The following DOCK3 variants were observed in gnomAD, a reference collection of about 807,000 sequenced individuals.
DOCK3 encodes the protein dedicator of cytokinesis protein 3.
DOCK3 carries 60 observed loss-of-function variants against 265.6 expected under a neutral mutation model. The observed-to-expected ratio is 0.23, with a 90% CI of 0.18 to 0.28. The LOEUF is 0.28. Ranked by LOEUF, DOCK3 falls within the 10% of genes least tolerant of loss-of-function variation. DOCK3 has a pLI of 1.00. For missense variants in DOCK3, 1,981 were observed against 2,594.3 expected (o/e 0.76, Z 5.14); for synonymous variants, 881 against 938.0 (o/e 0.94, Z 1.11).
chr3:51,268,197 A>G (rs373743897), intron 23 of DOCK3, among the ~76,000 whole-genome samples: 3 of 152,150 alleles, frequency 2.0e-5, no homozygotes, highest in Admixed American at 6.6e-5. Flanking sequence ...AAATATCAGT[A>G]TGGGAAGAAA....
intron 2 of DOCK3, among the ~76,000 whole-genome samples, chr3:50,817,489 G>A (rs970251268): frequency 6.6e-6 from 1 of 151,522 alleles, no homozygotes. Flanking sequence ...AGAGACAGAG[G>A]TCCCCCTGTG....
chr3:51,330,251 A>G (rs376891819), intron 33 of DOCK3, 28 bp downstream of exon 33: 34 of 1,560,260 alleles, frequency 2.2e-5, no homozygotes, highest in Non-Finnish European at 3.0e-5. Context: ...CAGGCACACC[A>G]CACTGGGGGA....
chr3:50,719,622 G>A (rs773987745), intron 1 of DOCK3: 2 of 1,553,090 alleles, frequency 1.3e-6, no homozygotes, highest in African/African-American at 1.4e-5. Context: ...AACCACTGAG[G>A]TCTTGGCAGT....
chr3:51,280,187 A>T lies in DOCK3; in HGVS notation c.2905A>T (p.Ser969Cys). Residue 969 changes from serine to cysteine, a missense_variant, in exon 27 of 53, where the codon AGC (serine) becomes TGC (cysteine). Ser to Cys is a moderately radical substitution (Grantham distance 112). Around this residue, in one of 4 missense-constraint regions of DOCK3, gnomAD observed 1,357 missense variants for 1,866.8 expected, o/e 0.73. Transcript: ENST00000266037. The stretch of plus-strand genomic sequence containing the variant: ...CCAGCACCTCCTGGACAACTTCCAG[A>T]GCAAAGATGAACTCAAGGTAGGCAG... ...HFQHLLDNFQSKDELKEFLLK... is the reference protein window; with the variant it reads ...HFQHLLDNFQCKDELKEFLLK... The T allele has an allele frequency of 1.9e-6, 3 of 1,613,700 alleles. No homozygotes were observed. Among genetic ancestry groups the T allele is most frequent in the Non-Finnish European group, 2.5e-6 (3 of 1,179,786 alleles).
chr3:51,222,922 AC>A (rs1468197576), intron 14 of DOCK3, among the ~76,000 whole-genome samples: 1 of 152,134 alleles, frequency 6.6e-6, no homozygotes, highest in Non-Finnish European at 1.5e-5. Context: ...AATCTCTAAG[AC>A]ACTAATTTTA....
intron 49 of DOCK3, among the ~76,000 whole-genome samples, chr3:51,366,716 A>G (rs943469471): frequency 1.2e-4 from 18 of 152,206 alleles, no homozygotes; most frequent in Non-Finnish European, 7.3e-5. Flanking sequence ...TTCAAAGAAT[A>G]TCTTTATTTC....
At chr3:50,707,919 C>T (rs886886544) in intron 1 of DOCK3, among the ~76,000 whole-genome samples, 1 of 151,648 alleles carries the variant, frequency 6.6e-6, no homozygotes, top group East Asian at 1.9e-4. Context: ...GGTGGTGGTG[C>T]AGTCTTGGCA....
At chr3:51,186,640 C>A (rs1383679253) in intron 12 of DOCK3, among the ~76,000 whole-genome samples, 1 of 152,170 alleles carries the variant, frequency 6.6e-6, no homozygotes, top group African/African-American at 2.4e-5. Flanking sequence ...AAAGTGGTTT[C>A]GTGGGCCAGG....
At chr3:51,094,409 C>A (rs531300961) in intron 9 of DOCK3, among the ~76,000 whole-genome samples, 51 of 71,514 alleles carry the variant, frequency 7.1e-4, no homozygotes, top group African/African-American at 3.3e-3. Context: ...AGGTGTGTGT[C>A]CAGGAATTTA....
chr3:51,380,017 T>G, intron 51 of DOCK3, 108 bp from the exon 52 acceptor site: 2 of 999,448 alleles, frequency 2.0e-6, no homozygotes, highest in Non-Finnish European at 1.5e-6. Context: ...TGCTGAGGGG[T>G]CCCCAGGGGA....
In DOCK3 at chr3:51,382,445, CTG is replaced by C. The variant is rs2088710710; in HGVS notation, c.*887_*888del. ...GTCCCCTTCCTATGTGGTAGAGAGACTGGTGTAAGAGTGTGGGGTGTGGCAGG... is the reference window on the plus strand; with the variant it reads ...GTCCCCTTCCTATGTGGTAGAGAGACGTGTAAGAGTGTGGGGTGTGGCAGG... On this transcript the variant is annotated 3_prime_UTR_variant, in exon 53 of 53. Transcript: ENST00000266037. The C allele has an allele frequency of 6.6e-6, 1 of 152,644 alleles. No individual in the cohort carries two copies. Among genetic ancestry groups the C allele is most frequent in the Non-Finnish European group, 1.5e-5 (1 of 68,084 alleles). The allele number at this position is 152,644 out of a possible 1,614,324, so 9.5% of individuals were successfully genotyped here.
intron 1 of DOCK3, among the ~76,000 whole-genome samples, chr3:50,709,756 G>A (rs997771719): frequency 6.6e-6 from 1 of 152,170 alleles, no homozygotes; most frequent in Admixed American, 6.5e-5. Context: ...AACCCGCGAG[G>A]TGGAGGTTTC....
intron 13 of DOCK3, among the ~76,000 whole-genome samples, chr3:51,213,387 G>A (rs1448993639): frequency 1.3e-5 from 2 of 152,134 alleles, no homozygotes; most frequent in Admixed American, 6.5e-5. Context: ...GGACCCTCAG[G>A]AGGGTGGTGT....
chr3:50,724,981 G>T (rs1385366646), intron 1 of DOCK3, among the ~76,000 whole-genome samples: 1 of 102,740 alleles, frequency 9.7e-6, no homozygotes, highest in Non-Finnish European at 1.9e-5. Context: ...CAGCAGATGA[G>T]ATTCTGTCTC....
intron 22 of DOCK3, among the ~76,000 whole-genome samples, chr3:51,249,229 G>A (rs1464311997): frequency 1.6e-5 from 2 of 125,958 alleles, no homozygotes; most frequent in Non-Finnish European, 3.4e-5. Context: ...CCGGCCAGCC[G>A]CCCTGTCCGG....
chr3:50,978,482 T>C (rs2077558937), intron 5 of DOCK3, among the ~76,000 whole-genome samples: 1 of 152,296 alleles, frequency 6.6e-6, no homozygotes, highest in Admixed American at 6.5e-5. Context: ...GGGACCCTCT[T>C]GAGGAGGCAG....
At chr3:50,827,300 C>T (rs999014883) in intron 2 of DOCK3, among the ~76,000 whole-genome samples, 4 of 152,178 alleles carry the variant, frequency 2.6e-5, no homozygotes, top group African/African-American at 4.8e-5. Context: ...AAATTTATTT[C>T]TCACAGTTCT....
chr3:51,076,774 A>T (rs1293274262), intron 7 of DOCK3, among the ~76,000 whole-genome samples: 1 of 152,164 alleles, frequency 6.6e-6, no homozygotes, highest in African/African-American at 2.4e-5. Flanking sequence ...AGAGGTAGTG[A>T]CTGGTTTCCT....
intron 3 of DOCK3, among the ~76,000 whole-genome samples, chr3:50,883,983 G>A (rs1187903427): frequency 2.0e-5 from 3 of 151,794 alleles, no homozygotes; most frequent in African/African-American, 7.3e-5. Context: ...TATATAATAG[G>A]TGTCTTTTGC....
Sources: allele counts gnomAD v4.1 joint callset (sites outside exome capture counted in the v4.1 genomes callset), GRCh38; gene constraint gnomAD v4.1.1; regional missense constraint gnomAD v4.1.1; transcripts MANE v1.5; gene names NCBI Gene and HGNC (gene_info 2026-07-23, HGNC 2026-07-21).